The following DSCAML1 variants were observed in gnomAD, a reference collection of about 807,000 sequenced individuals.
The protein encoded by DSCAML1 is cell adhesion molecule DSCAML1.
In DSCAML1, 38 loss-of-function variants were observed where a neutral mutation model predicts 200.5. That is an observed-to-expected ratio of 0.19 (90% confidence interval 0.15 to 0.25). DSCAML1 has a LOEUF of 0.25. Among genes scored for constraint, DSCAML1 ranks in the 10% least tolerant of loss-of-function variants. The probability of loss-of-function intolerance (pLI) is 1.00; values close to 1 mark genes in which losing one functional copy is unlikely to be tolerated. For synonymous variants in DSCAML1, 1,215 were observed against 1,165.0 expected (o/e 1.04, Z -0.87); for missense variants, 2,223 against 2,858.8 (o/e 0.78, Z 5.07).
At chr11:117,517,752 T>A (rs2049801284) in intron 7 of DSCAML1, among the ~76,000 whole-genome samples, 1 of 152,198 alleles carries the variant, frequency 6.6e-6, no homozygotes, top group Non-Finnish European at 1.5e-5. Flanking sequence ...TAGGGTCAGA[T>A]GAAGACCAGT....
intron 3 of DSCAML1, among the ~76,000 whole-genome samples, chr11:117,667,389 G>A (rs983380121): frequency 6.6e-6 from 1 of 152,214 alleles, no homozygotes; most frequent in Non-Finnish European, 1.5e-5. Flanking sequence ...TCCAGCCTGG[G>A]TGACAGAGAC....
intron 3 of DSCAML1, among the ~76,000 whole-genome samples, chr11:117,536,224 G>A (rs2050167050): frequency 6.6e-6 from 1 of 152,220 alleles, no homozygotes; most frequent in African/African-American, 2.4e-5. Context: ...GGACCCTGCT[G>A]GGGAAGGAAG....
chr11:117,626,755 C>G (rs2052055193), intron 3 of DSCAML1, among the ~76,000 whole-genome samples: 1 of 152,190 alleles, frequency 6.6e-6, no homozygotes, highest in Non-Finnish European at 1.5e-5. Flanking sequence ...TGGACCACCC[C>G]ACATCCCTGG....
At chr11:117,460,170 C>T (rs891452733) in intron 18 of DSCAML1, among the ~76,000 whole-genome samples, 1 of 152,238 alleles carries the variant, frequency 6.6e-6, no homozygotes, top group African/African-American at 2.4e-5. Flanking sequence ...GGGAACCACC[C>T]TTTACTTGGT....
rs1475126838 is a variant in DSCAML1, at chr11:117,438,082, G to A, written c.4245C>T (p.Gly1415=). 1 of 1,608,254 alleles carries A rather than the reference G, an allele frequency of 6.2e-7. No homozygotes were observed. Among genetic ancestry groups the A allele is most frequent in the South Asian group, 1.1e-5 (1 of 90,600 alleles). Residue 1415 remains glycine, a splice_region_variant and synonymous_variant, in exon 25 of 33, where the codon GGC becomes GGT. Transcript: ENST00000651296. ...PGDNGGSSIR[G]FVLQYSVDNS... ...TGTCCACCGAGTACTGTAGCACGAA[G>A]CCTGCGGAGGGTAGGCCTGATTCAG...
Position 117,462,336 on chromosome 11 carries a change from G to A in DSCAML1, c.3266-740C>T, listed in dbSNP as rs137855183. Among the ~76,000 whole-genome samples, 34 of 152,316 alleles carry A rather than the reference G, an allele frequency of 2.2e-4. 1 individual carries two copies. The highest frequency in any genetic ancestry group is 7.8e-4 in the Admixed American group (12 of 15,310). On this transcript the variant is annotated intron_variant, in intron 17 of 32. Transcript: ENST00000651296. Reference sequence around the variant, plus strand: ...GAGCCACCTTTGAGTTTAAGCTGAGGTTCACCCTGGGGCGCAGTGCAGCCT... The same window carrying A: ...GAGCCACCTTTGAGTTTAAGCTGAGATTCACCCTGGGGCGCAGTGCAGCCT...
chr11:117,773,109 G>A lies in DSCAML1; in HGVS notation c.511+3682C>T, dbSNP rs140462212. 1.1e-4 allele frequency among the ~76,000 whole-genome samples: 16 copies of A among 152,332 alleles called. No individual in the cohort carries two copies. The East Asian group carries it at 3.1e-3, about 29-fold the overall frequency. On this transcript the variant is annotated intron_variant, in intron 3 of 32. Transcript: ENST00000651296. ...GCCGGGAAGGCTAACCTGTGAGTAA[G>A]CACCCAATTCATGGAGATTGTTTTT...
chr11:117,572,864 G>C (rs1192697612), intron 3 of DSCAML1, among the ~76,000 whole-genome samples: 2 of 152,184 alleles, frequency 1.3e-5, no homozygotes, highest in Non-Finnish European at 2.9e-5. Context: ...AGGCCAGAGA[G>C]CCCTGCTCTC....
intron 3 of DSCAML1, among the ~76,000 whole-genome samples, chr11:117,548,526 G>T (rs551307676): frequency 5.3e-4 from 81 of 152,290 alleles, no homozygotes; most frequent in African/African-American, 1.9e-3. Context: ...GGCTCCCACC[G>T]TTGGGCCACA....
chr11:117,745,152 T>C (rs1488265068), intron 3 of DSCAML1, among the ~76,000 whole-genome samples: 1 of 142,290 alleles, frequency 7.0e-6, no homozygotes. Context: ...AGGAGGGTGG[T>C]CATCTGGGTG....
intron 3 of DSCAML1, among the ~76,000 whole-genome samples, chr11:117,558,318 T>G (rs532801055): frequency 6.6e-6 from 1 of 152,084 alleles, no homozygotes; most frequent in African/African-American, 2.4e-5. Context: ...CCCCAAAACA[T>G]GGAAATAAAG....
chr11:117,814,132 CCTT>C, intron 1 of DSCAML1, among the ~76,000 whole-genome samples: 1 of 152,166 alleles, frequency 6.6e-6, no homozygotes, highest in Non-Finnish European at 1.5e-5. Context: ...TTGTGACCCC[CCTT>C]CCCTGCCCAC....
intron 15 of DSCAML1, among the ~76,000 whole-genome samples, chr11:117,470,590 G>A (rs764055064): frequency 6.6e-6 from 1 of 152,174 alleles, no homozygotes; most frequent in Non-Finnish European, 1.5e-5. Flanking sequence ...TTTGTTAAAG[G>A]TAGAAGTATT....
In DSCAML1 at chr11:117,450,568, C is replaced by T; in HGVS notation, c.3689G>A (p.Ser1230Asn). The T allele has an allele frequency of 6.2e-7, 1 of 1,614,136 alleles. No individual in the cohort carries two copies. Among genetic ancestry groups the T allele is most frequent in the Non-Finnish European group, 8.5e-7 (1 of 1,180,008 alleles). ...ACTTACCGGCTGGCCAGACCCGGGG[C>T]TGGAACAGAAGATGGTGTACTTGCG... ...VIRKYTIFCS[S>N]PGSGQPAPSE... Residue 1230 changes from serine to asparagine, a missense_variant, in exon 20 of 33, where the codon AGC (serine) becomes AAC (asparagine). Physicochemically the swap from Ser to Asn is conservative, Grantham distance 46. Around this residue, in one of 7 missense-constraint regions of DSCAML1, gnomAD observed 614 missense variants for 739.1 expected, o/e 0.83. Transcript: ENST00000651296.
At chr11:117,449,761 G>A (rs968060146) in intron 20 of DSCAML1, among the ~76,000 whole-genome samples, 3 of 152,176 alleles carry the variant, frequency 2.0e-5, no homozygotes, top group Non-Finnish European at 2.9e-5. Flanking sequence ...TCCTGCTCCC[G>A]TACCTAGAAC....
chr11:117,760,746 A>G (rs192062811), intron 3 of DSCAML1, among the ~76,000 whole-genome samples: 1 of 152,302 alleles, frequency 6.6e-6, no homozygotes, highest in East Asian at 1.9e-4. Context: ...TCTCCCCTGA[A>G]GGGCACAGAC....
intron 3 of DSCAML1, among the ~76,000 whole-genome samples, chr11:117,724,867 T>G (rs2054097889): frequency 6.6e-6 from 1 of 152,014 alleles, no homozygotes; most frequent in Non-Finnish European, 1.5e-5. Context: ...CATCCACTAC[T>G]CCACAAGAGG....
At chr11:117,792,765 C>T (rs1293580374) in intron 1 of DSCAML1, among the ~76,000 whole-genome samples, 3 of 152,156 alleles carry the variant, frequency 2.0e-5, no homozygotes, top group East Asian at 1.9e-4. Flanking sequence ...AGCTAGTTTG[C>T]CCCTCTCTTC....
intron 3 of DSCAML1, among the ~76,000 whole-genome samples, chr11:117,577,507 C>CTCCCTCCTTCCTTCCTTCCTTCCTTCCT (rs2050964475): frequency 3.1e-5 from 1 of 32,428 alleles, no homozygotes; most frequent in Non-Finnish European, 6.9e-5. Flanking sequence ...CCTTCCTTCC[C>CTCCCTCCTTCCTTCCTTCCTTCCTTCCT]TCCTTCCTTC....
Sources: gnomAD v4.1 joint callset for allele counts (sites outside exome capture counted in the v4.1 genomes callset) on GRCh38, gnomAD v4.1.1 for gene constraint, gnomAD v4.1.1 regional missense constraint, MANE v1.5 for transcripts, NCBI Gene and HGNC (gene_info 2026-07-23, HGNC 2026-07-21) for gene names.